Variants in PTTG1IP2 observed in about 807,000 individuals in gnomAD.
PTTG1IP2 encodes the protein PTTG1IP family member 2.
intron 2 of PTTG1IP2, among the ~76,000 whole-genome samples, chr7:90,485,245 G>A (rs533953252): frequency 1.6e-4 from 24 of 152,248 alleles, no homozygotes; most frequent in Non-Finnish European, 3.4e-4. Flanking sequence ...TTTCAGGACA[G>A]GCATATTCTA....
intron 3 of PTTG1IP2, among the ~76,000 whole-genome samples, chr7:90,488,662 A>C (rs7787413): frequency 0.57 from 86,963 of 151,600 alleles, 25,546 homozygotes; most frequent in Non-Finnish European, 0.64. Context: ...TCAAATGTTA[A>C]CTCCTCTAGC....
intron 6 of PTTG1IP2, among the ~76,000 whole-genome samples, chr7:90,504,292 G>T (rs753195683): frequency 1.3e-5 from 2 of 151,630 alleles, no homozygotes; most frequent in Non-Finnish European, 2.9e-5. Context: ...CTCCAGCCCG[G>T]GCGACAGAGT....
At chr7:90,481,571 G>A (rs1172787457) in intron 2 of PTTG1IP2, among the ~76,000 whole-genome samples, 2 of 152,054 alleles carry the variant, frequency 1.3e-5, no homozygotes, top group Non-Finnish European at 1.5e-5. Context: ...AAAAAATTGA[G>A]GCCTTAGGTA....
intron 6 of PTTG1IP2, among the ~76,000 whole-genome samples, chr7:90,504,158 T>A (rs1261296032): frequency 2.0e-5 from 3 of 151,682 alleles, no homozygotes; most frequent in African/African-American, 7.3e-5. Context: ...GTACTAAAAA[T>A]ACAAAATAAT....
At chr7:90,476,665 G>T (rs1427657570) in intron 1 of PTTG1IP2, among the ~76,000 whole-genome samples, 2 of 151,962 alleles carry the variant, frequency 1.3e-5, no homozygotes, top group African/African-American at 2.4e-5. Flanking sequence ...TCAAGTAAAA[G>T]AAATCATTAA....
rs145735462 is a variant in PTTG1IP2, at chr7:90,487,110, G to A, written c.193-217G>A. Among the ~76,000 whole-genome samples the A allele has an allele frequency of 3.5e-3, 531 of 152,306 alleles. 1 individual carries two copies. The highest frequency in any genetic ancestry group is 0.01 in the Middle Eastern group (3 of 294). Reference sequence around the variant, plus strand: ...CTATCGTCGTCCAAGAAGAGGGGAAGCTGTGAGCCACTGGGAGCCAAAACT... The same window carrying A: ...CTATCGTCGTCCAAGAAGAGGGGAAACTGTGAGCCACTGGGAGCCAAAACT... On this transcript the variant is annotated intron_variant, in intron 2 of 6. Transcript: ENST00000509356.
At chr7:90,507,347 G>A (rs955176997) in intron 6 of PTTG1IP2, among the ~76,000 whole-genome samples, 54 of 152,160 alleles carry the variant, frequency 3.5e-4, no homozygotes, top group African/African-American at 1.3e-3. Flanking sequence ...AGTTAGGGTG[G>A]AGTGGGCAGG....
chr7:90,512,934 A>G (rs1798206749), intron 6 of PTTG1IP2, among the ~76,000 whole-genome samples: 1 of 152,202 alleles, frequency 6.6e-6, no homozygotes, highest in African/African-American at 2.4e-5. Flanking sequence ...TTCTGGGAAT[A>G]TTTGTGTTGA....
intron 1 of PTTG1IP2, among the ~76,000 whole-genome samples, chr7:90,471,890 T>C (rs1256673850): frequency 6.6e-6 from 1 of 152,100 alleles, no homozygotes; most frequent in Non-Finnish European, 1.5e-5. Context: ...TGAGGGTGGA[T>C]CTAGAGTCCA....
intron 1 of PTTG1IP2, among the ~76,000 whole-genome samples, chr7:90,471,280 C>T (rs1797683763): frequency 6.6e-6 from 1 of 152,184 alleles, no homozygotes; most frequent in South Asian, 2.1e-4. Context: ...ACGAGATCCT[C>T]ATCTATGTCC....
At chr7:90,473,011 A>G (rs1389810072) in intron 1 of PTTG1IP2, among the ~76,000 whole-genome samples, 2 of 152,202 alleles carry the variant, frequency 1.3e-5, no homozygotes, top group Admixed American at 6.5e-5. Flanking sequence ...ATCTGAAAAT[A>G]TTAGGAACTT....
At chr7:90,489,124 A>AT (rs1797910179) in intron 4 of PTTG1IP2, among the ~76,000 whole-genome samples, 160 bp downstream of exon 4, 1 of 151,406 alleles carries the variant, frequency 6.6e-6, no homozygotes. Context: ...AAATTGTAAA[A>AT]TGAAAAAAAA....
At chr7:90,508,009 G>C (rs1480236181) in intron 6 of PTTG1IP2, among the ~76,000 whole-genome samples, 1 of 152,036 alleles carries the variant, frequency 6.6e-6, no homozygotes, top group African/African-American at 2.4e-5. Context: ...TGTAATCCCA[G>C]TACTTTGGGA....
At chr7:90,504,684 A>G (rs1003800798) in intron 6 of PTTG1IP2, among the ~76,000 whole-genome samples, 4 of 152,146 alleles carry the variant, frequency 2.6e-5, no homozygotes, top group African/African-American at 9.7e-5. Context: ...GGAAGGGTCT[A>G]CCTAACTTGT....
intron 1 of PTTG1IP2, among the ~76,000 whole-genome samples, chr7:90,473,425 T>C (rs1797712614): frequency 6.6e-6 from 1 of 152,156 alleles, no homozygotes; most frequent in African/African-American, 2.4e-5. Flanking sequence ...AGTCACACCC[T>C]AGTGCCAGGG....
chr7:90,502,385 G>A (rs537021341), intron 6 of PTTG1IP2, among the ~76,000 whole-genome samples: 1 of 152,334 alleles, frequency 6.6e-6, no homozygotes, highest in Admixed American at 6.5e-5. Flanking sequence ...TCCTGTTAAT[G>A]TTGATATTTT....
At chr7:90,501,042 T>A (rs900392660) in intron 6 of PTTG1IP2, among the ~76,000 whole-genome samples, 2 of 152,242 alleles carry the variant, frequency 1.3e-5, no homozygotes, top group Non-Finnish European at 2.9e-5. Flanking sequence ...TTATATATTT[T>A]CATTGTTTTT....
At chr7:90,476,228 T>G (rs1252990671) in intron 1 of PTTG1IP2, among the ~76,000 whole-genome samples, 2 of 152,134 alleles carry the variant, frequency 1.3e-5, no homozygotes, top group African/African-American at 2.4e-5. Flanking sequence ...TCTAAATAAT[T>G]TATTATAATT....
chr7:90,478,269 G>C (rs937366947), intron 1 of PTTG1IP2, among the ~76,000 whole-genome samples: 2 of 152,110 alleles, frequency 1.3e-5, no homozygotes, highest in Non-Finnish European at 2.9e-5. Context: ...GAGAACAGTG[G>C]CCAAGTCATG....
Sources: gnomAD v4.1 joint callset for allele counts (sites outside exome capture counted in the v4.1 genomes callset) on GRCh38, gnomAD v4.1.1 for gene constraint, MANE v1.5 for transcripts, NCBI Gene and HGNC (gene_info 2026-07-23, HGNC 2026-07-21) for gene names.